SHISAL1: variants seen among roughly 807,000 people sequenced by gnomAD.
The protein encoded by SHISAL1 is protein shisa-like-1.
In SHISAL1, 9 loss-of-function variants were observed where a neutral mutation model predicts 22.6. That is an observed-to-expected ratio of 0.40 (90% CI 0.24 to 0.70). The LOEUF (loss-of-function observed/expected upper bound fraction) is 0.70. Among genes scored for constraint, SHISAL1 ranks in the 30% least tolerant of loss-of-function variants. The pLI is 0.39. For missense variants in SHISAL1, 246 were observed against 270.6 expected (o/e 0.91, Z 0.64); for synonymous variants, 119 against 115.4 (o/e 1.03, Z -0.20).
chr22:44,292,449 T>G (rs2055359190), intron 3 of SHISAL1, among the ~76,000 whole-genome samples: 1 of 152,162 alleles, frequency 6.6e-6, no homozygotes, highest in Admixed American at 6.5e-5. Context: ...CACCAGTTGT[T>G]ATCACCCATG....
At chr22:44,258,729 G>A (rs757015962) in intron 4 of SHISAL1, among the ~76,000 whole-genome samples, 1 of 152,194 alleles carries the variant, frequency 6.6e-6, no homozygotes, top group Non-Finnish European at 1.5e-5. Context: ...GGGTGCAAGA[G>A]CCCCTATGGC....
rs955251828 is a variant in SHISAL1, at chr22:44,294,428, C to T, written c.281+2244G>A. On this transcript the variant is annotated intron_variant, in intron 3 of 4. Transcript: ENST00000381176. ...GAGATCGAGGCTCACACTTGCAACC[C>T]ACCACCTCCCTTCAACAAACGCCCT... 1.8e-4 allele frequency among the ~76,000 whole-genome samples: 27 copies of T among 152,146 alleles called. 1 individual carries two copies. The highest frequency in any genetic ancestry group is 6.5e-4 in the African/African-American group (27 of 41,424).
Position 44,303,700 on chromosome 22 carries a change from T to G in SHISAL1, c.-32-2723A>C, listed in dbSNP as rs13053366. ...CCGAGCAAACAGGTACAGCCTCTCA[T>G]GTGGAGCCTGGTCCGTGGAAGGGCT... On this transcript the variant is annotated intron_variant, in intron 1 of 4. Transcript: ENST00000381176. Among the ~76,000 whole-genome samples the G allele has an allele frequency of 2.6e-5, 4 of 152,120 alleles. No homozygotes were observed. The South Asian group carries it at 8.3e-4, about 32-fold the overall frequency.
At chr22:44,302,414 TA>T (rs35536153) in intron 1 of SHISAL1, among the ~76,000 whole-genome samples, 2 of 148,426 alleles carry the variant, frequency 1.3e-5, no homozygotes, top group South Asian at 2.1e-4. Flanking sequence ...TTTGCCACAA[TA>T]AAAAAAAATT....
chr22:44,316,789 G>A (rs2055560923), upstream of SHISAL1, among the ~76,000 whole-genome samples: 4 of 152,216 alleles, frequency 2.6e-5, no homozygotes, highest in East Asian at 1.9e-4. Flanking sequence ...GAGAAGACCT[G>A]GGCTGGAGCA....
chr22:44,276,498 T>C (rs2401620), intron 4 of SHISAL1, among the ~76,000 whole-genome samples: 18,683 of 150,152 alleles, frequency 0.12, 2,881 homozygotes, highest in African/African-American at 0.35. Flanking sequence ...GGGAGATATG[T>C]GGAGGCAGCT....
upstream of SHISAL1, among the ~76,000 whole-genome samples, chr22:44,317,454 A>C (rs1003668821): frequency 2.6e-5 from 4 of 152,176 alleles, no homozygotes; most frequent in African/African-American, 9.7e-5. Context: ...AGCCCTTGCA[A>C]ACCCTTGCTG....
At chr22:44,303,844 G>C (rs2055451093) in intron 1 of SHISAL1, among the ~76,000 whole-genome samples, 1 of 152,046 alleles carries the variant, frequency 6.6e-6, no homozygotes, top group Non-Finnish European at 1.5e-5. Flanking sequence ...GGACCTCCTG[G>C]CCTGGCTGAA....
intron 4 of SHISAL1, among the ~76,000 whole-genome samples, chr22:44,269,472 GCGCACACA>G (rs1270375333): frequency 1.4e-4 from 19 of 136,140 alleles, no homozygotes; most frequent in East Asian, 2.2e-4. Context: ...CCCACAACAC[GCGCACACA>G]CACACACACA....
At chr22:44,290,296 G>T (rs12160622) in intron 3 of SHISAL1, among the ~76,000 whole-genome samples, 1 of 152,146 alleles carries the variant, frequency 6.6e-6, no homozygotes, top group African/African-American at 2.4e-5. Flanking sequence ...CTGGGAGGCC[G>T]AAGTGGGTGG....
chr22:44,315,481 G>A (rs1007896519), upstream of SHISAL1, among the ~76,000 whole-genome samples: 36 of 152,134 alleles, frequency 2.4e-4, no homozygotes, highest in African/African-American at 8.4e-4. Flanking sequence ...GAATCGGTGT[G>A]AATTCCCAGC....
upstream of SHISAL1, among the ~76,000 whole-genome samples, chr22:44,317,725 C>G (rs1177546891): frequency 6.6e-6 from 1 of 152,196 alleles, no homozygotes; most frequent in African/African-American, 2.4e-5. Flanking sequence ...CCCCCTGACA[C>G]CAGACTTAGA....
intron 3 of SHISAL1, among the ~76,000 whole-genome samples, chr22:44,294,580 A>T (rs562527564): frequency 6.6e-6 from 1 of 152,356 alleles, no homozygotes; most frequent in East Asian, 1.9e-4. Flanking sequence ...TGACAATTCT[A>T]AAGATTGTTT....
intron 4 of SHISAL1, among the ~76,000 whole-genome samples, chr22:44,278,804 G>A (rs143546467): frequency 4.3e-4 from 66 of 152,214 alleles, no homozygotes; most frequent in African/African-American, 1.5e-3. Context: ...AGGATGCGGC[G>A]GGAGGAGCAG....
chr22:44,245,764 T>G lies in SHISAL1; in HGVS notation c.*3921A>C, dbSNP rs1481659166. ...GGTTGACGGTGAACTGGAAACCATC[T>G]CCTGGCCAAAGAAGCCTGTTAACCC... On this transcript the variant is annotated 3_prime_UTR_variant, in exon 5 of 5. Transcript: ENST00000381176. 6.6e-6 allele frequency: 1 copy of G among 152,262 alleles called. No homozygotes were observed. Among genetic ancestry groups the G allele is most frequent in the African/African-American group, 2.4e-5 (1 of 41,442 alleles). 9.4% of individuals were successfully genotyped at this position (152,262 alleles called of 1,614,324 possible).
intron 3 of SHISAL1, among the ~76,000 whole-genome samples, chr22:44,287,959 G>A (rs148676860): frequency 1.7e-3 from 260 of 152,318 alleles, no homozygotes; most frequent in African/African-American, 5.8e-3. Context: ...GGGAGGCAGG[G>A]CAGCTGTGTG....
At chr22:44,281,528 G>T (rs543572627) in intron 4 of SHISAL1, among the ~76,000 whole-genome samples, 10 of 152,242 alleles carry the variant, frequency 6.6e-5, no homozygotes, top group Non-Finnish European at 1.2e-4. Flanking sequence ...GAGGGCCAAG[G>T]TGCTTAGAGA....
intron 4 of SHISAL1, among the ~76,000 whole-genome samples, chr22:44,250,435 C>T (rs2055039483): frequency 6.6e-6 from 1 of 152,190 alleles, no homozygotes; most frequent in Non-Finnish European, 1.5e-5. Context: ...CTGCGGGGCA[C>T]TTACTTATAG....
In SHISAL1 at chr22:44,249,631, C is replaced by A; in HGVS notation, c.*54G>T. On this transcript the variant is annotated 3_prime_UTR_variant, in exon 5 of 5. Coordinates refer to ENST00000381176, the MANE Select transcript of SHISAL1 (RefSeq NM_001099294.2). ...TAGAAGTTGTTCTTCTCGGAGGCTG[C>A]ACCGGGTGCTTCAGATCTCATCTCC... 1.3e-6 allele frequency: 1 copy of A among 779,148 alleles called. No individual in the cohort carries two copies. Among genetic ancestry groups the A allele is most frequent in the Admixed American group, 1.7e-5 (1 of 58,670 alleles). The allele number at this position is 779,148 out of a possible 1,614,324, so 48.3% of individuals were successfully genotyped here.
Sources: gnomAD v4.1 joint callset for allele counts (sites outside exome capture counted in the v4.1 genomes callset) on GRCh38, gnomAD v4.1.1 for gene constraint, MANE v1.5 for transcripts, NCBI Gene and HGNC (gene_info 2026-07-23, HGNC 2026-07-21) for gene names.